KHDC1L: variants seen among roughly 807,000 people sequenced by gnomAD.
KHDC1L encodes the protein KH domain containing 1 like.
In KHDC1L, 5 loss-of-function variants were observed where a neutral mutation model predicts 11.2. That is an observed-to-expected ratio of 0.45 (90% CI 0.23 to 0.94). The LOEUF (loss-of-function observed/expected upper bound fraction) is 0.94. Among genes scored for constraint, KHDC1L ranks in the 40% least tolerant of loss-of-function variants. The pLI is 0.22. For synonymous variants in KHDC1L, 66 were observed against 62.7 expected (o/e 1.05, Z -0.25); for missense variants, 168 against 165.8 (o/e 1.01, Z -0.07).
rs756981365 is a variant in KHDC1L, at chr6:73,224,332, G to T, written c.129C>A (p.Tyr43Ter). The T allele has an allele frequency of 1.3e-4, 209 of 1,582,162 alleles. 2 individuals are homozygous for T. In the East Asian group the frequency reaches 4.6e-3, roughly 35 times the overall value. The change falls in exon 2 of 3, where the codon TAC (tyrosine) becomes TAA (stop). Residue 43 changes from tyrosine to a stop codon, truncating the protein, a stop_gained. Coordinates refer to ENST00000370388, the MANE Select transcript of KHDC1L (RefSeq NM_001126063.3). LOFTEE classifies it high-confidence loss of function. ...GGCTGTGCAGCTCAATGCAGCGAAG[G>T]TACGTGTCATCAAGTCCTGTAAGCA... ...EELIFGLDDT[Y>*]LRCIELHSHT...
At position 73,224,049 on chromosome 6, in the gene KHDC1L, A is replaced by G. The variant is rs529190422; in HGVS notation, c.295+117T>C. 12 of 1,260,132 alleles carry G rather than the reference A, an allele frequency of 9.5e-6. No individual in the cohort carries two copies. In the African/African-American group the frequency reaches 1.7e-4, roughly 17 times the overall value. 78.1% of individuals were successfully genotyped at this position (1,260,132 alleles called of 1,614,324 possible). On this transcript the variant is annotated intron_variant, in intron 2 of 2. Coordinates refer to ENST00000370388, the MANE Select transcript of KHDC1L (RefSeq NM_001126063.3). ...CTTCCCTTCCCAATGGACTCTGGGAAGCACCTGGATTCCCCAGCCACACAA... is the reference window on the plus strand; with the variant it reads ...CTTCCCTTCCCAATGGACTCTGGGAGGCACCTGGATTCCCCAGCCACACAA...
chr6:73,223,884 T>A, intron 2 of KHDC1L, 45 bp from the exon 3 acceptor site: 1 of 1,476,830 alleles, frequency 6.8e-7, no homozygotes, highest in Non-Finnish European at 9.3e-7. Context: ...GTCCCATTAC[T>A]GGGGCCCTTA....
At position 73,225,485 on chromosome 6, in the gene KHDC1L, G is replaced by A; in HGVS notation, c.-77C>T. ...CAAAAGACTTGGAAAAGCGAGGAAG[G>A]GCCTAGGCTCTGTCCTTAAAAAGGG... is the stretch of plus-strand genomic sequence containing the variant. On this transcript the variant is annotated 5_prime_UTR_variant, in exon 1 of 3. Coordinates refer to ENST00000370388, the MANE Select transcript of KHDC1L (RefSeq NM_001126063.3). 2 of 1,060,070 alleles carry A rather than the reference G, an allele frequency of 1.9e-6. No homozygotes were observed. The highest frequency in any genetic ancestry group is 2.7e-5 in the South Asian group (2 of 74,694). The allele number at this position is 1,060,070 out of a possible 1,614,324, so 65.7% of individuals were successfully genotyped here. A position where few individuals can be genotyped will look rare whatever the true frequency, so the allele number is the denominator to read the frequency against.
In KHDC1L at chr6:73,223,679, G is replaced by A; in HGVS notation, c.*69C>T. On this transcript the variant is annotated 3_prime_UTR_variant, in exon 3 of 3. Coordinates refer to ENST00000370388, the MANE Select transcript of KHDC1L (RefSeq NM_001126063.3). ...GCCACAAATTCAAACTTTCTTCAGT[G>A]TTTTTCATGTCTTTCTCACCAAAAG... 4 of 1,337,042 alleles carry A rather than the reference G, an allele frequency of 3.0e-6. No homozygotes were observed. In the South Asian group the frequency reaches 3.8e-5, roughly 13 times the overall value. The allele number at this position is 1,337,042 out of a possible 1,614,324, so 82.8% of individuals were successfully genotyped here.
rs1171044226 is a variant in KHDC1L, at chr6:73,223,751, G to T, written c.384C>A (p.Asp128Glu). 1.2e-6 allele frequency: 2 copies of T among 1,603,806 alleles called. No homozygotes were observed. The highest frequency in any genetic ancestry group is 1.7e-6 in the Non-Finnish European group (2 of 1,174,974). Residue 128 changes from aspartate to glutamate, a missense_variant, in exon 3 of 3, where the codon GAC becomes GAA. By Grantham distance (45) the Asp-to-Glu change is conservative. Transcript: ENST00000370388. ...CATCCCCTCTTCCCAGGGGAGATCAGTCTCCGGTGTACGGTGGCAGGCTAA... is the reference window on the plus strand; with the variant it reads ...CATCCCCTCTTCCCAGGGGAGATCATTCTCCGGTGTACGGTGGCAGGCTAA... ...TSVSLPPYTG[D>E]
intron 1 of KHDC1L, 76 bp downstream of exon 1, chr6:73,225,221 C>T: frequency 7.4e-7 from 1 of 1,349,866 alleles, no homozygotes; most frequent in South Asian, 1.4e-5. Context: ...GAGCCAAGAT[C>T]ACGAGCGAGA....
At chr6:73,224,790 A>T (rs1204430012) in intron 1 of KHDC1L, among the ~76,000 whole-genome samples, 1 of 145,878 alleles carries the variant, frequency 6.9e-6, no homozygotes, top group African/African-American at 2.5e-5. Context: ...AAAAAAAAAA[A>T]AAAACACGAG....
intron 2 of KHDC1L, 40 bp from the exon 3 acceptor site, chr6:73,223,879 A>G (rs770827925): frequency 1.1e-4 from 169 of 1,492,128 alleles, no homozygotes; most frequent in Non-Finnish European, 1.5e-4. Flanking sequence ...CCAGAGTCCC[A>G]TTACTGGGGC....
chr6:73,223,670 T>G lies in KHDC1L; in HGVS notation c.*78A>C. 1.6e-6 allele frequency: 2 copies of G among 1,235,040 alleles called. No homozygotes were observed. Among genetic ancestry groups the G allele is most frequent in the Non-Finnish European group, 2.3e-6 (2 of 867,166 alleles). The allele number at this position is 1,235,040 out of a possible 1,614,324, so 76.5% of individuals were successfully genotyped here. A position where few individuals can be genotyped will look rare whatever the true frequency, so the allele number is the denominator to read the frequency against. On this transcript the variant is annotated 3_prime_UTR_variant, in exon 3 of 3. Coordinates refer to ENST00000370388, the MANE Select transcript of KHDC1L (RefSeq NM_001126063.3). Reference sequence around the variant, plus strand: ...GCAGGTCTGGCCACAAATTCAAACTTTCTTCAGTGTTTTTCATGTCTTTCT... The same window carrying G: ...GCAGGTCTGGCCACAAATTCAAACTGTCTTCAGTGTTTTTCATGTCTTTCT...
Position 73,223,698 on chromosome 6 carries a change from C to T in KHDC1L, c.*50G>A. On this transcript the variant is annotated 3_prime_UTR_variant, in exon 3 of 3. Coordinates refer to ENST00000370388, the MANE Select transcript of KHDC1L (RefSeq NM_001126063.3). Reference sequence around the variant, plus strand: ...TTCAGTGTTTTTCATGTCTTTCTCACCAAAAGCGAAGCCAAGACTTCTCCT... The same window carrying T: ...TTCAGTGTTTTTCATGTCTTTCTCATCAAAAGCGAAGCCAAGACTTCTCCT... The T allele has an allele frequency of 6.7e-7, 1 of 1,483,760 alleles. No homozygotes were observed. The highest frequency in any genetic ancestry group is 9.2e-7 in the Non-Finnish European group (1 of 1,082,156). The allele number at this position is 1,483,760 out of a possible 1,614,324, so 91.9% of individuals were successfully genotyped here. A position where few individuals can be genotyped will look rare whatever the true frequency, so the allele number is the denominator to read the frequency against.
At position 73,225,166 on chromosome 6, in the gene KHDC1L, C is replaced by G. The variant is rs1766339777; in HGVS notation, c.112+131G>C. 4 of 714,318 alleles carry G rather than the reference C, an allele frequency of 5.6e-6. No individual in the cohort carries two copies. In the Admixed American group the frequency reaches 1.1e-4, roughly 20 times the overall value. 44.2% of individuals were successfully genotyped at this position (714,318 alleles called of 1,614,324 possible). ...CCTGTAATCCCAGGTACTCTGCAGG[C>G]TGAAGCAGGAGAATCACTTGAACCC... On this transcript the variant is annotated intron_variant, in intron 1 of 2. Coordinates refer to ENST00000370388, the MANE Select transcript of KHDC1L (RefSeq NM_001126063.3).
rs1378950188 is a variant in KHDC1L at position 73,225,332 on chromosome 6, A to C, written c.77T>G (p.Phe26Cys). 2 of 1,614,086 alleles carry C rather than the reference A, an allele frequency of 1.2e-6. No individual in the cohort carries two copies. The highest frequency in any genetic ancestry group is 1.7e-6 in the Non-Finnish European group (2 of 1,179,990). The change falls in exon 1 of 3, where the codon TTC becomes TGC. Residue 26 changes from phenylalanine to cysteine, a missense_variant. By Grantham distance (205) the Phe-to-Cys change is radical. Transcript: ENST00000370388. The part of the protein sequence containing the change: ...LPENFHSPMV[F>C]HMEEDQEELI... The stretch of plus-strand genomic sequence containing the variant: ...CTCCTCCTGGTCCTCTTCCATGTGG[A>C]ACACCATTGGAGAATGAAAGTTTTC...
At chr6:73,224,960 G>A (rs1766334526) in intron 1 of KHDC1L, among the ~76,000 whole-genome samples, 1 of 150,792 alleles carries the variant, frequency 6.6e-6, no homozygotes, top group African/African-American at 2.4e-5. Context: ...GCGGGCGCCT[G>A]TAGTCCCAGC....
Position 73,223,763 on chromosome 6 carries a change from CG to C in KHDC1L, c.371del (p.Pro124ArgfsTer27), listed in dbSNP as rs1766307201. ...CCAGGGGAGATCAGTCTCCGGTGTA[CG>C]GTGGCAGGCTAACGGAGGTGACCAG... ...DDLVTSVSLP[P>X]YTGD On this transcript the variant is annotated frameshift_variant, in exon 3 of 3. Transcript: ENST00000370388. LOFTEE classifies it low-confidence loss of function (END_TRUNC). The C allele has an allele frequency of 6.2e-7, 1 of 1,606,306 alleles. No individual in the cohort carries two copies.
chr6:73,225,177 G>C, intron 1 of KHDC1L, 120 bp downstream of exon 1: 3 of 805,410 alleles, frequency 3.7e-6, no homozygotes, highest in Non-Finnish European at 5.7e-6. Context: ...TGAAGCAGGA[G>C]AATCACTTGA....
Position 73,225,312 on chromosome 6 carries a change from C to G in KHDC1L, c.97G>C (p.Glu33Gln), listed in dbSNP as rs1766345591. 6.2e-7 allele frequency: 1 copy of G among 1,613,894 alleles called. No individual in the cohort carries two copies. Among genetic ancestry groups the G allele is most frequent in the Non-Finnish European group, 8.5e-7 (1 of 1,179,870 alleles). ...PMVFHMEEDQ[E>Q]ELIFGLDDTY... ...GGCCACTCACCGAAGATGAGCTCCT[C>G]CTGGTCCTCTTCCATGTGGAACACC... Residue 33 changes from glutamate (E) to glutamine (Q), a missense_variant, in exon 1 of 3, where the codon GAG (glutamate) becomes CAG (glutamine). By Grantham distance (29) the Glu-to-Gln change is conservative (BLOSUM62 2). Coordinates refer to ENST00000370388, the MANE Select transcript of KHDC1L (RefSeq NM_001126063.3).
At chr6:73,224,493 G>A (rs1766322103) in intron 1 of KHDC1L, 145 bp from the exon 2 acceptor site, 9 of 693,038 alleles carry the variant, frequency 1.3e-5, no homozygotes, top group Non-Finnish European at 2.1e-5. Flanking sequence ...GAAGGAGGCC[G>A]GCCTAGCGCA....
In KHDC1L at chr6:73,223,628, T is replaced by C; in HGVS notation, c.*120A>G. On this transcript the variant is annotated 3_prime_UTR_variant, in exon 3 of 3. Coordinates refer to ENST00000370388, the MANE Select transcript of KHDC1L (RefSeq NM_001126063.3). ...AGGAGACTTCCCTCAGACACATGCC[T>C]AGAAGGCCTGAGAGGGGCAGGTCTG... 1.3e-6 allele frequency: 1 copy of C among 743,948 alleles called. No homozygotes were observed. The highest frequency in any genetic ancestry group is 1.8e-5 in the South Asian group (1 of 56,776). The allele number at this position is 743,948 out of a possible 1,614,324, so 46.1% of individuals were successfully genotyped here. A position where few individuals can be genotyped will look rare whatever the true frequency, so the allele number is the denominator to read the frequency against.
chr6:73,224,428 T>G, intron 1 of KHDC1L, 80 bp from the exon 2 acceptor site: 1 of 1,214,204 alleles, frequency 8.2e-7, no homozygotes. Context: ...AGGGTAGGGA[T>G]GTGTGACTCA....
Sources: gnomAD v4.1 joint callset for allele counts (sites outside exome capture counted in the v4.1 genomes callset) on GRCh38, gnomAD v4.1.1 for gene constraint, MANE v1.5 for transcripts, NCBI Gene and HGNC (gene_info 2026-07-23, HGNC 2026-07-21) for gene names.